ASIC2: variants seen among roughly 807,000 people sequenced by gnomAD.
ASIC2 encodes the protein acid sensing ion channel subunit 2.
In ASIC2, 25 loss-of-function variants were observed where a neutral mutation model predicts 57.3. The observed-to-expected ratio is 0.44, with a 90% CI of 0.32 to 0.61. The LOEUF (loss-of-function observed/expected upper bound fraction) is 0.61. Ranked by LOEUF, ASIC2 falls within the 20% of genes least tolerant of loss-of-function variation. The pLI, the probability that ASIC2 is intolerant of heterozygous loss-of-function variation, is 0.06. For synonymous variants in ASIC2, 319 were observed against 307.5 expected (o/e 1.04, Z -0.39); for missense variants, 641 against 738.1 (o/e 0.87, Z 1.52).
At chr17:34,035,753 A>C (rs1907849616) in intron 1 of ASIC2, among the ~76,000 whole-genome samples, 1 of 152,342 alleles carries the variant, frequency 6.6e-6, no homozygotes, top group Non-Finnish European at 1.5e-5. Flanking sequence ...AAAAGAAGAC[A>C]TTTATGCAGC....
chr17:33,984,200 G>T (rs1319925017), intron 1 of ASIC2: 1 of 152,170 alleles, frequency 6.6e-6, no homozygotes, highest in Non-Finnish European at 1.5e-5. Context: ...GACATCCTGT[G>T]GGCGCCTGCA....
At chr17:33,481,594 G>T (rs1913406836) in intron 1 of ASIC2, among the ~76,000 whole-genome samples, 1 of 152,322 alleles carries the variant, frequency 6.6e-6, no homozygotes, top group Non-Finnish European at 1.5e-5. Flanking sequence ...CACATGAGAT[G>T]TTTGAGAAAT....
chr17:33,731,473 C>A (rs1417087710), intron 1 of ASIC2, among the ~76,000 whole-genome samples: 2 of 152,140 alleles, frequency 1.3e-5, no homozygotes, highest in African/African-American at 4.8e-5. Flanking sequence ...AATCAAATGT[C>A]TTTCACCTAA....
chr17:33,832,191 A>C (rs1913134457), intron 1 of ASIC2, among the ~76,000 whole-genome samples: 1 of 152,242 alleles, frequency 6.6e-6, no homozygotes, highest in African/African-American at 2.4e-5. Context: ...CTCAATGTAG[A>C]AATAACGTAG....
intron 1 of ASIC2, among the ~76,000 whole-genome samples, chr17:33,186,509 G>A (rs1227762251): frequency 6.6e-6 from 1 of 152,150 alleles, no homozygotes; most frequent in Non-Finnish European, 1.5e-5. Flanking sequence ...TGGAAATGAT[G>A]TTAGACAAAA....
chr17:33,482,884 C>T lies in ASIC2; in HGVS notation c.556-370817G>A, dbSNP rs572538934. On this transcript the variant is annotated intron_variant, in intron 1 of 9. Transcript: ENST00000359872. Reference sequence around the variant, plus strand: ...GATTGAACAGATGGTGGAAACACACCGCAACAAAATCTCCTTGTTCCTTAA... The same window carrying T: ...GATTGAACAGATGGTGGAAACACACTGCAACAAAATCTCCTTGTTCCTTAA... 4.6e-5 allele frequency among the ~76,000 whole-genome samples: 7 copies of T among 152,328 alleles called. No homozygotes were observed. The East Asian group carries it at 1.3e-3, about 29-fold the overall frequency.
intron 1 of ASIC2, among the ~76,000 whole-genome samples, chr17:33,211,389 TC>T (rs1351842567): frequency 6.6e-6 from 1 of 151,926 alleles, no homozygotes; most frequent in African/African-American, 2.4e-5. Flanking sequence ...TCAGGACTCC[TC>T]CCCTCCCTGA....
At chr17:33,891,909 G>T (rs114474412) in intron 1 of ASIC2, among the ~76,000 whole-genome samples, 3,531 of 152,210 alleles carry the variant, frequency 0.023, 56 homozygotes, top group Non-Finnish European at 0.037. Flanking sequence ...GAGCTATTTG[G>T]GTGGTGGTTT....
At chr17:33,799,428 T>TG (rs1912045010) in intron 1 of ASIC2, among the ~76,000 whole-genome samples, 1 of 8,842 alleles carries the variant, frequency 1.1e-4, no homozygotes, top group Non-Finnish European at 3.8e-4. Context: ...TCTTTCTTTC[T>TG]TCTTTCTTTC....
intron 1 of ASIC2, among the ~76,000 whole-genome samples, chr17:33,263,086 A>T (rs975745368): frequency 6.6e-6 from 1 of 152,200 alleles, no homozygotes; most frequent in Admixed American, 6.5e-5. Context: ...GAGCTCCCTG[A>T]GGGAAGGGCA....
At chr17:33,347,154 A>AGG (rs1907981603) in intron 1 of ASIC2, among the ~76,000 whole-genome samples, 1 of 152,176 alleles carries the variant, frequency 6.6e-6, no homozygotes, top group African/African-American at 2.4e-5. Flanking sequence ...AATGGGAACC[A>AGG]AAACACAAGA....
intron 1 of ASIC2, among the ~76,000 whole-genome samples, chr17:33,274,496 A>T (rs1232271540): frequency 6.6e-6 from 1 of 152,250 alleles, no homozygotes; most frequent in African/African-American, 2.4e-5. Context: ...AATAATTGAT[A>T]GCAAAAATCT....
At position 33,228,841 on chromosome 17, in the gene ASIC2, G is replaced by A. The variant is rs146907402; in HGVS notation, c.708+62567C>T. 2.9e-4 allele frequency among the ~76,000 whole-genome samples: 44 copies of A among 152,316 alleles called. No individual in the cohort carries two copies. In the East Asian group the frequency reaches 8.5e-3, roughly 29 times the overall value. On this transcript the variant is annotated intron_variant, in intron 1 of 9. Transcript: ENST00000225823. ...CAGGCTCGTGCCTCCATCCTTCCAG[G>A]AGGAAACAAGGACACAAAGGTGGCA...
intron 1 of ASIC2, among the ~76,000 whole-genome samples, chr17:33,459,276 G>T (rs556099908): frequency 1.3e-5 from 2 of 152,022 alleles, no homozygotes; most frequent in East Asian, 1.9e-4. Flanking sequence ...TGAGTATCTG[G>T]CCTGTTTGTC....
At chr17:33,162,225 G>A (rs1302081753) in intron 1 of ASIC2, among the ~76,000 whole-genome samples, 1 of 152,096 alleles carries the variant, frequency 6.6e-6, no homozygotes, top group African/African-American at 2.4e-5. Context: ...TAACTCCTGG[G>A]GATACAGATA....
rs537529523 is a variant in ASIC2, at chr17:33,796,158, C to T, written c.555+359820G>A. Reference sequence around the variant, plus strand: ...TTGTGTCGGAGGACAGACTCCCCCACCTTCCTTGTAGACCACCAATGTGTT... The same window carrying T: ...TTGTGTCGGAGGACAGACTCCCCCATCTTCCTTGTAGACCACCAATGTGTT... On this transcript the variant is annotated intron_variant, in intron 1 of 9. Transcript: ENST00000359872. Among the ~76,000 whole-genome samples the T allele has an allele frequency of 1.7e-3, 256 of 152,330 alleles. 1 individual carries two copies. The highest frequency in any genetic ancestry group is 1.8e-3 in the Non-Finnish European group (125 of 68,032).
intron 1 of ASIC2, among the ~76,000 whole-genome samples, chr17:33,362,638 T>A (rs891673772): frequency 6.6e-5 from 10 of 152,210 alleles, no homozygotes; most frequent in African/African-American, 2.4e-4. Flanking sequence ...TTCTTGGAAC[T>A]GTGAAAAGAT....
chr17:33,899,114 C>A (rs550654934), intron 1 of ASIC2, among the ~76,000 whole-genome samples: 12 of 141,334 alleles, frequency 8.5e-5, no homozygotes, highest in African/African-American at 3.2e-4. Context: ...GGCGACAGAG[C>A]GAGACTCCAT....
intron 1 of ASIC2, among the ~76,000 whole-genome samples, chr17:33,573,992 T>C (rs1916538139): frequency 6.6e-6 from 1 of 152,020 alleles, no homozygotes; most frequent in South Asian, 2.1e-4. Flanking sequence ...CATTTGACCA[T>C]CTCCTTCTCT....
Sources: gnomAD v4.1 joint callset for allele counts (sites outside exome capture counted in the v4.1 genomes callset) on GRCh38, gnomAD v4.1.1 for gene constraint, MANE v1.5 for transcripts, NCBI Gene and HGNC (gene_info 2026-07-23, HGNC 2026-07-21) for gene names.